TJP2: variants seen among roughly 807,000 people sequenced by gnomAD.
TJP2 encodes the protein Friedreich ataxia region gene X104 (tight junction protein ZO-2).
A neutral mutation model predicts 133.1 loss-of-function variants in TJP2; 91 were observed. That is an observed-to-expected ratio of 0.68 (90% confidence interval 0.58 to 0.81). TJP2 has a LOEUF of 0.81. Among genes scored for constraint, TJP2 ranks in the 40% least tolerant of loss-of-function variants. The pLI is 0.00. For synonymous variants in TJP2, 592 were observed against 583.4 expected (o/e 1.01, Z -0.21); for missense variants, 1,541 against 1,565.6 (o/e 0.98, Z 0.26).
chr9:69,190,264 ATTC>A (rs1313515469), intron 1 of TJP2, among the ~76,000 whole-genome samples: 9 of 152,234 alleles, frequency 5.9e-5, no homozygotes, highest in Non-Finnish European at 1.3e-4. Flanking sequence ...GTCCAACACA[ATTC>A]TTCTACACAG....
At chr9:69,138,274 T>G (rs1183936125) in intron 1 of TJP2, among the ~76,000 whole-genome samples, 1 of 152,176 alleles carries the variant, frequency 6.6e-6, no homozygotes, top group Non-Finnish European at 1.5e-5. Flanking sequence ...GGATTTGGCT[T>G]CTGCTGCCAG....
chr9:69,228,229 C>A (rs1411013852), intron 9 of TJP2, 115 bp downstream of exon 9: 2 of 1,301,670 alleles, frequency 1.5e-6, no homozygotes, highest in Non-Finnish European at 2.2e-6. Flanking sequence ...AGCTGGAGGC[C>A]ATTATCCTAA....
In TJP2 at chr9:69,179,765, C is replaced by T. The variant is rs111852722; in HGVS notation, c.60+5333C>T. On this transcript the variant is annotated intron_variant, in intron 1 of 22. Transcript: ENST00000377245. ...CCACCCGCCTCGGCCTCCCAAAGTG[C>T]TGGGATTAGAGGTGTGAGCCACCGC... Among the ~76,000 whole-genome samples, 28 of 152,260 alleles carry T rather than the reference C, an allele frequency of 1.8e-4. No homozygotes were observed. The South Asian group carries it at 5.8e-3, about 32-fold the overall frequency.
At chr9:69,198,305 C>T (rs931276507) in intron 1 of TJP2, among the ~76,000 whole-genome samples, 2 of 152,036 alleles carry the variant, frequency 1.3e-5, no homozygotes, top group South Asian at 2.1e-4. Context: ...CTACACCCAG[C>T]GAATTTTTTT....
rs1203624252 is a variant in TJP2, at chr9:69,127,624, T to G, written c.-131+5899T>G. ...TCCCCAGTAAACCCCCTCTACCCCT[T>G]AGCTGGCTCCTGTCAATATTCCCCC... On this transcript the variant is annotated intron_variant, in intron 1 of 5. Transcript: ENST00000423935. Among the ~76,000 whole-genome samples the G allele has an allele frequency of 2.7e-5, 2 of 74,914 alleles. 1 individual carries two copies. The highest frequency in any genetic ancestry group is 8.2e-5 in the African/African-American group (2 of 24,482). The allele number at this position is 74,914 out of a possible 152,430, so 49.1% of individuals were successfully genotyped here.
intron 1 of TJP2, among the ~76,000 whole-genome samples, chr9:69,123,208 C>CTTCTCTGATGGCTAATGATGTTGAA (rs1451615587): frequency 1.5e-4 from 15 of 102,000 alleles, no homozygotes; most frequent in South Asian, 8.4e-4. Context: ...CACCAGGACA[C>CTTCTCTGATGGCTAATGATGTTGAA]TCTACAGCCG....
intron 1 of TJP2, among the ~76,000 whole-genome samples, chr9:69,201,338 G>A (rs1017265192): frequency 1.3e-5 from 2 of 152,122 alleles, no homozygotes; most frequent in African/African-American, 2.4e-5. Context: ...TTGTTCTTAC[G>A]TTCTGATGGC....
chr9:69,205,027 G>A, intron 1 of TJP2: 1 of 1,432,600 alleles, frequency 7.0e-7, no homozygotes, highest in Non-Finnish European at 9.1e-7. Flanking sequence ...ATGTGTCACT[G>A]TGTGAGATGA....
chr9:69,247,849 T>A (rs532029086), intron 18 of TJP2, among the ~76,000 whole-genome samples, 163 bp from the exon 19 acceptor site: 6 of 152,254 alleles, frequency 3.9e-5, no homozygotes, highest in African/African-American at 1.4e-4. Flanking sequence ...ATATCAACAT[T>A]GTACCAAAGC....
At position 69,127,256 on chromosome 9, in the gene TJP2, A is replaced by G. The variant is rs1443893984; in HGVS notation, c.-131+5531A>G. ...GGCTAATTTTTTGTATTTTTAGTAG[A>G]AACGGGGTTTCACCATGTTAGCCAG... is the stretch of plus-strand genomic sequence containing the variant. On this transcript the variant is annotated intron_variant, in intron 1 of 5. Coordinates refer to the TJP2 transcript ENST00000423935. 4.0e-5 allele frequency among the ~76,000 whole-genome samples: 3 copies of G among 74,720 alleles called. 1 individual carries two copies. The highest frequency in any genetic ancestry group is 1.2e-4 in the African/African-American group (3 of 24,404). The allele number at this position is 74,720 out of a possible 152,430, so 49.0% of individuals were successfully genotyped here.
At chr9:69,197,634 G>T (rs1183129827) in intron 1 of TJP2, among the ~76,000 whole-genome samples, 1 of 151,550 alleles carries the variant, frequency 6.6e-6, no homozygotes, top group African/African-American at 2.4e-5. Context: ...CTTATCAAGA[G>T]TGCTTATCCT....
At chr9:69,244,535 A>C (rs1267561126) in intron 17 of TJP2, among the ~76,000 whole-genome samples, 1 of 152,224 alleles carries the variant, frequency 6.6e-6, no homozygotes, top group Admixed American at 6.5e-5. Flanking sequence ...TCTTGAGCTC[A>C]AAAGATAGAG....
Position 69,237,065 on chromosome 9 carries a change from G to C in TJP2, c.2108G>C (p.Arg703Pro), listed in dbSNP as rs748523814. 3.8e-5 allele frequency: 62 copies of C among 1,614,138 alleles called. No individual in the cohort carries two copies. In the South Asian group the frequency reaches 6.7e-4, roughly 17 times the overall value. The change falls in exon 14 of 23, where the codon CGG (arginine) becomes CCG (proline). Residue 703 changes from arginine (R) to proline (P), a missense_variant. Arg to Pro is a moderately radical substitution (Grantham distance 103). Coordinates refer to ENST00000377245, the MANE Select transcript of TJP2 (RefSeq NM_004817.4). The part of the protein sequence containing the change: ...SGVKKNLRKS[R>P]EDLTAVVSVS... ...GTGAAGAAGAACCTGAGGAAAAGTCGGGAAGACCTCACAGCTGTTGTGTCT... is the reference window on the plus strand; with the variant it reads ...GTGAAGAAGAACCTGAGGAAAAGTCCGGAAGACCTCACAGCTGTTGTGTCT...
At chr9:69,150,045 G>A (rs919750321) in intron 1 of TJP2, among the ~76,000 whole-genome samples, 2 of 151,988 alleles carry the variant, frequency 1.3e-5, no homozygotes, top group Admixed American at 1.3e-4. Context: ...AGCTACCTGA[G>A]AGGCTGAGGC....
At chr9:69,143,454 A>G (rs899923397) in intron 1 of TJP2, among the ~76,000 whole-genome samples, 26 of 152,168 alleles carry the variant, frequency 1.7e-4, no homozygotes, top group African/African-American at 5.8e-4. Context: ...GTGTAATTAC[A>G]TCTTCCTGTA....
chr9:69,133,970 T>TCTTTCTCCTTCCC, intron 1 of TJP2, among the ~76,000 whole-genome samples: 1 of 151,742 alleles, frequency 6.6e-6, no homozygotes, highest in East Asian at 1.9e-4. Context: ...TTCTCTTTTC[T>TCTTTCTCCTTCCC]CTCTTTCTCT....
chr9:69,238,749 G>T lies in TJP2; in HGVS notation c.2315G>T (p.Gly772Val), dbSNP rs769337349. The part of the protein sequence containing the change: ...PKDAGSEKST[G>V]VVRLNTVRQI... ...GATGCAGGATCTGAGAAATCCACTGGAGTGGTCCGGTTAAATACCGTGAGG... is the reference window on the plus strand; with the variant it reads ...GATGCAGGATCTGAGAAATCCACTGTAGTGGTCCGGTTAAATACCGTGAGG... Residue 772 changes from glycine to valine, a missense_variant, in exon 16 of 23, where the codon GGA (glycine) becomes GTA (valine). Physicochemically the swap from Gly to Val is moderately radical, Grantham distance 109. Transcript: ENST00000377245. The T allele has an allele frequency of 6.2e-7, 1 of 1,614,028 alleles. No homozygotes were observed. The highest frequency in any genetic ancestry group is 1.7e-5 in the Admixed American group (1 of 60,018).
chr9:69,209,120 T>C (rs1051981058), intron 1 of TJP2, among the ~76,000 whole-genome samples: 2 of 152,080 alleles, frequency 1.3e-5, no homozygotes, highest in African/African-American at 2.4e-5. Flanking sequence ...AGGAGTTCAG[T>C]TGAGTGTCTG....
chr9:69,225,967 T>G (rs1829313727), intron 6 of TJP2, 55 bp from the exon 7 acceptor site: 1 of 1,593,432 alleles, frequency 6.3e-7, no homozygotes, highest in Non-Finnish European at 8.6e-7. Context: ...AAATATGAAT[T>G]TTCTACTGTG....
Sources: gnomAD v4.1 joint callset for allele counts (sites outside exome capture counted in the v4.1 genomes callset) on GRCh38, gnomAD v4.1.1 for gene constraint, MANE v1.5 for transcripts, NCBI Gene and HGNC (gene_info 2026-07-23, HGNC 2026-07-21) for gene names.